KATNIP: variants seen among roughly 807,000 people sequenced by gnomAD.
The protein encoded by KATNIP is katanin-interacting protein.
A neutral mutation model predicts 174.0 loss-of-function variants in KATNIP; 126 were observed. The ratio of observed to expected loss-of-function variants is 0.72; its 90% CI spans 0.63 to 0.84. The LOEUF is 0.84. Ranked by LOEUF, KATNIP falls within the 40% of genes least tolerant of loss-of-function variation. The pLI is 0.00. For synonymous variants in KATNIP, 810 were observed against 835.7 expected (o/e 0.97, Z 0.53); for missense variants, 1,958 against 2,109.7 (o/e 0.93, Z 1.41).
At chr16:27,559,726 A>G (rs2141581184) in intron 1 of KATNIP, among the ~76,000 whole-genome samples, 1 of 151,698 alleles carries the variant, frequency 6.6e-6, no homozygotes, top group South Asian at 2.1e-4. Flanking sequence ...CATACCTATA[A>G]TCTCAGCACT....
chr16:27,553,808 A>G (rs145520859), intron 1 of KATNIP, among the ~76,000 whole-genome samples: 57 of 152,176 alleles, frequency 3.7e-4, no homozygotes, highest in African/African-American at 1.3e-3. Flanking sequence ...CCATCTCTGT[A>G]AAAAGTAAAA....
intron 6 of KATNIP, among the ~76,000 whole-genome samples, chr16:27,658,339 T>G (rs1008975314): frequency 1.3e-5 from 2 of 152,180 alleles, no homozygotes; most frequent in Admixed American, 6.5e-5. Flanking sequence ...GCTAATAGAA[T>G]TTGTAGATAG....
chr16:27,587,625 G>T (rs2090949680), intron 2 of KATNIP, among the ~76,000 whole-genome samples: 1 of 152,154 alleles, frequency 6.6e-6, no homozygotes, highest in African/African-American at 2.4e-5. Context: ...TACCTTAAAT[G>T]TGCTCACGGC....
In KATNIP at chr16:27,777,704, C is replaced by G; in HGVS notation, c.4646C>G (p.Pro1549Arg). The change falls in exon 26 of 28, where the codon CCC (proline) becomes CGC (arginine). Residue 1549 changes from proline (P) to arginine (R), a missense_variant. Pro to Arg is a moderately radical substitution (Grantham distance 103, BLOSUM62 -2). Around this residue, in one of 3 missense-constraint regions of KATNIP, gnomAD observed 383 missense variants for 456.0 expected, o/e 0.84. Coordinates refer to ENST00000261588, the MANE Select transcript of KATNIP (RefSeq NM_015202.5). The surrounding 1 kb of genome is among the most constrained non-coding windows in gnomAD (Gnocchi z 4.4). The stretch of plus-strand genomic sequence containing the variant: ...CTGCCCACATGTGAGCCCACCGTGC[C>G]CTACCACACCATCCTCTTCACCGAG... ...GILPTCEPTV[P>R]YHTILFTEDR... 6.2e-7 allele frequency: 1 copy of G among 1,614,066 alleles called. No homozygotes were observed. The highest frequency in any genetic ancestry group is 8.5e-7 in the Non-Finnish European group (1 of 1,180,004).
intron 5 of KATNIP, among the ~76,000 whole-genome samples, chr16:27,635,440 C>T (rs2076604398): frequency 6.6e-6 from 1 of 152,108 alleles, no homozygotes; most frequent in Non-Finnish European, 1.5e-5. Context: ...CTCTGCTCCA[C>T]ACACCCAGGC....
intron 3 of KATNIP, among the ~76,000 whole-genome samples, chr16:27,620,578 T>C (rs2076165134): frequency 6.6e-6 from 1 of 152,184 alleles, no homozygotes; most frequent in South Asian, 2.1e-4. Context: ...GGATTGCCAG[T>C]GGCCCTATGT....
chr16:27,685,987 C>G (rs1411874391), intron 8 of KATNIP, among the ~76,000 whole-genome samples: 1 of 152,160 alleles, frequency 6.6e-6, no homozygotes, highest in African/African-American at 2.4e-5. Flanking sequence ...AAGCCCAAGA[C>G]AGTCTGTCTC....
chr16:27,599,036 C>T lies in KATNIP; in HGVS notation c.64-19389C>T, dbSNP rs147367785. Among the ~76,000 whole-genome samples the T allele has an allele frequency of 2.2e-4, 34 of 152,228 alleles. No homozygotes were observed. In the East Asian group the frequency reaches 6.2e-3, roughly 28 times the overall value. Reference sequence around the variant, plus strand: ...AGGGATACAACTGTAAGCCACCAGCCATCCACACTCCCAGCAGCTGGGGCA... The same window carrying T: ...AGGGATACAACTGTAAGCCACCAGCTATCCACACTCCCAGCAGCTGGGGCA... On this transcript the variant is annotated intron_variant, in intron 2 of 27. Transcript: ENST00000261588.
At chr16:27,733,994 T>TA (rs2080801259) in intron 14 of KATNIP, among the ~76,000 whole-genome samples, 1 of 151,896 alleles carries the variant, frequency 6.6e-6, no homozygotes, top group African/African-American at 2.4e-5. Context: ...CCCACACACA[T>TA]ACGCACACCC....
In KATNIP at chr16:27,778,649, T is replaced by A; in HGVS notation, c.*20T>A. Reference sequence around the variant, plus strand: ...TGCTGACTGGTGAAGGAGGGAGAGCTGGTCCTCCCACTATGGTGGGCTCCG... The same window carrying A: ...TGCTGACTGGTGAAGGAGGGAGAGCAGGTCCTCCCACTATGGTGGGCTCCG... On this transcript the variant is annotated 3_prime_UTR_variant, in exon 28 of 28. Transcript: ENST00000261588. The A allele has an allele frequency of 6.2e-7, 1 of 1,611,674 alleles. No individual in the cohort carries two copies. Among genetic ancestry groups the A allele is most frequent in the Non-Finnish European group, 8.5e-7 (1 of 1,178,338 alleles).
rs145803448 is a variant in KATNIP, at chr16:27,582,154, T to G, written c.63+8198T>G. On this transcript the variant is annotated intron_variant, in intron 2 of 27. Transcript: ENST00000261588. ...CTTTTCTGTGAGTTTCAGACTCCAC[T>G]AGCGCGCAAACTGCAGATACTTCCT... 5.6e-3 allele frequency among the ~76,000 whole-genome samples: 854 copies of G among 152,270 alleles called. 10 individuals are homozygous for G. The highest frequency in any genetic ancestry group is 0.011 in the Admixed American group (166 of 15,302).
At chr16:27,734,573 T>C (rs1236726485) in intron 14 of KATNIP, among the ~76,000 whole-genome samples, 1 of 152,050 alleles carries the variant, frequency 6.6e-6, no homozygotes, top group Non-Finnish European at 1.5e-5. Flanking sequence ...GTGGCGTGCC[T>C]GTAATCCCAG....
chr16:27,597,383 TTTTAATGTA>T (rs1184712732), intron 2 of KATNIP, among the ~76,000 whole-genome samples: 1 of 149,948 alleles, frequency 6.7e-6, no homozygotes, highest in Non-Finnish European at 1.5e-5. Flanking sequence ...ATGTGGTATT[TTTTAATGTA>T]TTTTCTTTTC....
At chr16:27,684,657 T>G (rs2078460132) in intron 8 of KATNIP, among the ~76,000 whole-genome samples, 1 of 152,214 alleles carries the variant, frequency 6.6e-6, no homozygotes, top group South Asian at 2.1e-4. Flanking sequence ...CAAGTCTAAA[T>G]TCAAGGTGTT....
chr16:27,606,763 A>G (rs2075720578), intron 2 of KATNIP, among the ~76,000 whole-genome samples: 1 of 150,630 alleles, frequency 6.6e-6, no homozygotes, highest in African/African-American at 2.4e-5. Context: ...GTGGGATCTC[A>G]CTATGTTGCC....
rs143405841 is a variant in KATNIP at position 27,747,852 on chromosome 16, G to A, written c.2624-1732G>A. Among the ~76,000 whole-genome samples the A allele has an allele frequency of 2.8e-3, 432 of 152,234 alleles. 1 individual carries two copies. The highest frequency in any genetic ancestry group is 9.8e-3 in the African/African-American group (408 of 41,528). On this transcript the variant is annotated intron_variant, in intron 15 of 27. Transcript: ENST00000261588. Reference sequence around the variant, plus strand: ...AGCCACAGGAGCGGGTCGCCTTCCTGTTTCTTCCTTTCTTCTCTTCCAGGT... The same window carrying A: ...AGCCACAGGAGCGGGTCGCCTTCCTATTTCTTCCTTTCTTCTCTTCCAGGT...
intron 8 of KATNIP, among the ~76,000 whole-genome samples, chr16:27,695,446 C>T (rs1376266187): frequency 6.6e-6 from 1 of 152,236 alleles, no homozygotes; most frequent in East Asian, 1.9e-4. Context: ...CCCATCTTTG[C>T]GCTGGTGCCT....
At chr16:27,651,951 C>A (rs2077133830) in intron 6 of KATNIP, among the ~76,000 whole-genome samples, 1 of 152,182 alleles carries the variant, frequency 6.6e-6, no homozygotes, top group Admixed American at 6.5e-5. Flanking sequence ...AACTCCTGAC[C>A]TCAGGTGATT....
At chr16:27,603,119 A>C (rs909351961) in intron 2 of KATNIP, among the ~76,000 whole-genome samples, 2 of 152,242 alleles carry the variant, frequency 1.3e-5, no homozygotes, top group Admixed American at 6.5e-5. Flanking sequence ...TCAGAAATGC[A>C]AAAGCCTGAA....
Sources: allele counts gnomAD v4.1 joint callset (sites outside exome capture counted in the v4.1 genomes callset), GRCh38; gene constraint gnomAD v4.1.1; regional missense constraint gnomAD v4.1.1; non-coding constraint Gnocchi (gnomAD v3.1); transcripts MANE v1.5; gene names NCBI Gene and HGNC (gene_info 2026-07-23, HGNC 2026-07-21).